CELSR3: variants seen among roughly 807,000 people sequenced by gnomAD.
The protein encoded by CELSR3 is cadherin EGF LAG seven-pass G-type receptor 3.
CELSR3 carries 73 observed loss-of-function variants against 270.0 expected under a neutral mutation model. The observed-to-expected ratio is 0.27, with a 90% CI of 0.22 to 0.33. CELSR3 has a LOEUF of 0.33. CELSR3 is among the 10% of genes least tolerant of loss of function. The probability of loss-of-function intolerance (pLI) is 1.00; values close to 1 mark genes in which losing one functional copy is unlikely to be tolerated. For synonymous variants in CELSR3, 1,780 were observed against 1,905.4 expected (o/e 0.93, Z 1.71); for missense variants, 3,614 against 4,533.8 (o/e 0.80, Z 5.83).
intron 16 of CELSR3, among the ~76,000 whole-genome samples, 198 bp from the exon 17 acceptor site, chr3:48,649,413 G>A (rs1392611051): frequency 1.3e-5 from 2 of 152,218 alleles, no homozygotes; most frequent in Non-Finnish European, 2.9e-5. Context: ...TGAGAGGGCT[G>A]TAGACCATTC....
Position 48,661,733 on chromosome 3 carries a change from C to A in CELSR3, c.902G>T (p.Arg301Leu). The change falls in exon 1 of 35, where the codon CGT (arginine) becomes CTT (leucine). Residue 301 changes from arginine to leucine, a missense_variant. Around this residue, in one of 7 missense-constraint regions of CELSR3, gnomAD observed 470 missense variants for 469.7 expected, o/e 1.00. Transcript: ENST00000164024. ...CGAGGTTACTTTCCTGGCTTCAGGA[C>A]GGGCCGGGAGTCCCGGGGGACGCGG... ...PGPRPPGLPA[R>L]PEARKVTSAN... 1 of 1,579,656 alleles carries A rather than the reference C, an allele frequency of 6.3e-7. No homozygotes were observed. Among genetic ancestry groups the A allele is most frequent in the Non-Finnish European group, 8.6e-7 (1 of 1,164,294 alleles).
At chr3:48,648,098 G>C (rs2047103857) in intron 19 of CELSR3, 102 bp from the exon 20 acceptor site, 13 of 1,496,716 alleles carry the variant, frequency 8.7e-6, no homozygotes, top group Non-Finnish European at 1.2e-5. Context: ...CCCACAATCT[G>C]TTTTCTGTGC....
rs1365242609 is a variant in CELSR3 at position 48,645,384 on chromosome 3, C to G, written c.7797+59G>C. The G allele has an allele frequency of 1.9e-6, 3 of 1,602,708 alleles. No individual in the cohort carries two copies. The highest frequency in any genetic ancestry group is 2.6e-6 in the Non-Finnish European group (3 of 1,171,206). On this transcript the variant is annotated intron_variant, in intron 24 of 34. Coordinates refer to ENST00000164024, the MANE Select transcript of CELSR3 (RefSeq NM_001407.3). This position sits in a 1 kb window ranked among gnomAD's most constrained non-coding sequence, Gnocchi z 5.4. ...GACCTCTGACCCTGAGTTTTGGCCC[C>G]AGGCCTCCTGGGCCAGTAGGGTCAT...
In CELSR3 at chr3:48,645,866, G is replaced by T; in HGVS notation, c.7466C>A (p.Ala2489Glu). The change falls in exon 23 of 35, where the codon GCG (alanine) becomes GAG (glutamate). Residue 2489 changes from alanine to glutamate, a missense_variant and splice_region_variant. Ala to Glu is a moderately radical substitution (Grantham distance 107, BLOSUM62 -1). Coordinates refer to ENST00000164024, the MANE Select transcript of CELSR3 (RefSeq NM_001407.3). The surrounding 1 kb of genome is among the most constrained non-coding windows in gnomAD (Gnocchi z 5.4). ...TGCTGTCCACACACCATGCTGCTCC[G>T]CCCTGCAGCCACAGGGCAGTTAGAC... is the stretch of plus-strand genomic sequence containing the variant. Reference protein sequence around the residue: ...ICVQWDPPGLAEQHGVWTARD... With the variant: ...ICVQWDPPGLEEQHGVWTARD... 6.3e-7 allele frequency: 1 copy of T among 1,594,522 alleles called. No individual in the cohort carries two copies. The highest frequency in any genetic ancestry group is 8.6e-7 in the Non-Finnish European group (1 of 1,167,878).
In CELSR3 at chr3:48,659,504, A is replaced by T; in HGVS notation, c.3131T>A (p.Val1044Glu). 6.2e-7 allele frequency: 1 copy of T among 1,614,120 alleles called. No homozygotes were observed. The highest frequency in any genetic ancestry group is 8.5e-7 in the Non-Finnish European group (1 of 1,180,024). ...ELTAYAVDRG[V>E]PPLRTPVSIQ... Reference sequence around the variant, plus strand: ...ACTGACTGGAGTCCGGAGTGGGGGCACACCTCTGTCCACTGCGTAGGCAGT... The same window carrying T: ...ACTGACTGGAGTCCGGAGTGGGGGCTCACCTCTGTCCACTGCGTAGGCAGT... The change falls in exon 1 of 35, where the codon GTG becomes GAG. Residue 1044 changes from valine to glutamate, a missense_variant. Physicochemically the swap from Val to Glu is moderately radical, Grantham distance 121 (BLOSUM62 -2). Transcript: ENST00000164024. The surrounding 1 kb of genome is among the most constrained non-coding windows in gnomAD (Gnocchi z 8.1).
In CELSR3 at chr3:48,641,884, C is replaced by A; in HGVS notation, c.8791G>T (p.Ala2931Ser). 1 of 1,545,822 alleles carries A rather than the reference C, an allele frequency of 6.5e-7. No homozygotes were observed. Among genetic ancestry groups the A allele is most frequent in the South Asian group, 1.2e-5 (1 of 80,702 alleles). The change falls in exon 32 of 35, where the codon GCC becomes TCC. Residue 2931 changes from alanine (A) to serine (S), a missense_variant. Physicochemically the swap from Ala to Ser is moderately conservative, Grantham distance 99 (BLOSUM62 1). Around this residue, in one of 7 missense-constraint regions of CELSR3, gnomAD observed 1,240 missense variants for 1,351.7 expected, o/e 0.92. Coordinates refer to ENST00000164024, the MANE Select transcript of CELSR3 (RefSeq NM_001407.3). This position sits in a 1 kb window ranked among gnomAD's most constrained non-coding sequence, Gnocchi z 4.8. Reference protein sequence around the residue: ...GRFQRPLCRAAQSERLLTHPK... With the variant: ...GRFQRPLCRASQSERLLTHPK... ...TGGGTGAGGAGCCTCTCACTCTGGG[C>A]TGCTCGGCAGAGTGGCCGTTGGAAG...
rs146846419 is a variant in CELSR3 at position 48,639,746 on chromosome 3, G to C, written c.9839C>G (p.Ala3280Gly). The C allele has an allele frequency of 2.2e-5, 35 of 1,613,658 alleles. No homozygotes were observed. The highest frequency in any genetic ancestry group is 6.7e-5 in the African/African-American group (5 of 74,922). Residue 3280 changes from alanine (A) to glycine (G), a missense_variant, in exon 34 of 35, where the codon GCC becomes GGC. Physicochemically the swap from Ala to Gly is moderately conservative, Grantham distance 60. This residue lies in a region of CELSR3 where 1,240 missense variants were observed against 1,351.7 expected (regional missense o/e 0.92). Coordinates refer to ENST00000164024, the MANE Select transcript of CELSR3 (RefSeq NM_001407.3). This position sits in a 1 kb window ranked among gnomAD's most constrained non-coding sequence, Gnocchi z 4.1. ...TGGCGTGGAGGGCCCAAGCACAGAG[G>C]CTGTGGCAGAAGGTGTGGCAGTGGT... ...PHTTATPSAT[A>G]SVLGPSTPRS...
chr3:48,662,238 A>G lies in CELSR3; in HGVS notation c.397T>C (p.Leu133=). 1 of 1,613,126 alleles carries G rather than the reference A, an allele frequency of 6.2e-7. No individual in the cohort carries two copies. Among genetic ancestry groups the G allele is most frequent in the Non-Finnish European group, 8.5e-7 (1 of 1,180,012 alleles). The part of the protein sequence containing the change: ...RETGQGPGSV[L]YWRPEVSSCG... Reference sequence around the variant, plus strand: ...GAGGAGACCTCTGGGCGCCAGTATAACACAGACCCTGGTCCCTGTCCTGTC... The same window carrying G: ...GAGGAGACCTCTGGGCGCCAGTATAGCACAGACCCTGGTCCCTGTCCTGTC... Residue 133 remains leucine, a synonymous_variant, in exon 1 of 35, where the codon TTA becomes CTA. Transcript: ENST00000164024. This position sits in a 1 kb window ranked among gnomAD's most constrained non-coding sequence, Gnocchi z 7.1.
chr3:48,661,049 A>G lies in CELSR3; in HGVS notation c.1586T>C (p.Val529Ala). ...GTCTAGCACAGTTATGTGTACGCGC[A>G]CAGTGGCCGAGCGCGGCCCGGGTTC... ...GQEPGPRSAT[V>A]RVHITVLDEN... The change falls in exon 1 of 35, where the codon GTG becomes GCG. Residue 529 changes from valine to alanine, a missense_variant. Transcript: ENST00000164024. The G allele has an allele frequency of 6.2e-7, 1 of 1,613,760 alleles. No individual in the cohort carries two copies. Among genetic ancestry groups the G allele is most frequent in the Non-Finnish European group, 8.5e-7 (1 of 1,180,024 alleles).
In CELSR3 at chr3:48,661,222, G is replaced by A; in HGVS notation, c.1413C>T (p.Arg471=). The A allele has an allele frequency of 1.9e-6, 3 of 1,604,252 alleles. No homozygotes were observed. The highest frequency in any genetic ancestry group is 4.5e-5 in the East Asian group (2 of 44,414). ...DAPPNANLRY[R]FVGPPAARAA... is the part of the protein sequence containing the mutation. ...CGCGCGCAGCTGGCGGCCCCACGAA[G>A]CGGTAGCGCAGGTTGGCGTTGGGGG... The change falls in exon 1 of 35, where the codon CGC becomes CGT. Residue 471 remains arginine, a synonymous_variant. Coordinates refer to ENST00000164024, the MANE Select transcript of CELSR3 (RefSeq NM_001407.3).
rs1363073950 is a variant in CELSR3 at position 48,644,934 on chromosome 3, A to T, written c.7972+101T>A. On this transcript the variant is annotated intron_variant, in intron 25 of 34. Transcript: ENST00000164024. The surrounding 1 kb of genome is among the most constrained non-coding windows in gnomAD (Gnocchi z 4.8). ...AGGGCAGAGCAGCAACCCCATGAAT[A>T]GATGGCTTGGGGTTTGAGGTTGGGG... 36 of 1,512,192 alleles carry T rather than the reference A, an allele frequency of 2.4e-5. No individual in the cohort carries two copies. The highest frequency in any genetic ancestry group is 3.0e-5 in the Non-Finnish European group (33 of 1,102,914). 93.7% of individuals were successfully genotyped at this position (1,512,192 alleles called of 1,614,324 possible).
rs1490978199 is a variant in CELSR3, at chr3:48,662,500, G to A, written c.135C>T (p.Gly45=). Reference sequence around the variant, plus strand: ...CCCTTGGCCCCGTAGTGGCAGCTAAGCCTGGGTCCCAGCCCTGGTGCCCAC... The same window carrying A: ...CCCTTGGCCCCGTAGTGGCAGCTAAACCTGGGTCCCAGCCCTGGTGCCCAC... ...GGGGHQGWDP[G]LAATTGPRAH... Residue 45 remains glycine (G), a synonymous_variant, in exon 1 of 35, where the codon GGC becomes GGT. Transcript: ENST00000164024. The surrounding 1 kb of genome is among the most constrained non-coding windows in gnomAD (Gnocchi z 7.1). 1 of 1,612,478 alleles carries A rather than the reference G, an allele frequency of 6.2e-7. No individual in the cohort carries two copies. The highest frequency in any genetic ancestry group is 1.3e-5 in the African/African-American group (1 of 75,050).
chr3:48,656,609 G>A (rs2077024104), intron 2 of CELSR3, 89 bp downstream of exon 2: 17 of 1,400,118 alleles, frequency 1.2e-5, no homozygotes, highest in Non-Finnish European at 2.8e-6. Context: ...CGTGGCCTCA[G>A]AAGTGACTCC....
Position 48,648,243 on chromosome 3 carries a change from GCCCTACCCCA to G in CELSR3, c.6973+13_6973+22del. ...TTTCATGGCCCCCCTGCTGTGCCCC[GCCCTACCCCA>G]CCCACAACGCACTGATATTAGGCGT... is the stretch of plus-strand genomic sequence containing the variant. On this transcript the variant is annotated intron_variant, in intron 19 of 34. Transcript: ENST00000164024. 4 of 532,600 alleles carry G rather than the reference GCCCTACCCCA, an allele frequency of 7.5e-6. No homozygotes were observed. Among genetic ancestry groups the G allele is most frequent in the Non-Finnish European group, 1.2e-5 (4 of 332,608 alleles). The allele number at this position is 532,600 out of a possible 1,614,324, so 33.0% of individuals were successfully genotyped here.
rs1559475624 is a variant in CELSR3, at chr3:48,641,965, TCTC to T, written c.8707_8709del (p.Glu2903del). ...TCTGAAGATGGAATGGAGAGACTCC[TCTC>T]CTCCTCCAAGGACAGGTCACTGTCA... is the stretch of plus-strand genomic sequence containing the variant. On this transcript the variant is annotated inframe_deletion, in exon 32 of 35. Coordinates refer to ENST00000164024, the MANE Select transcript of CELSR3 (RefSeq NM_001407.3). The surrounding 1 kb of genome is among the most constrained non-coding windows in gnomAD (Gnocchi z 4.8). 2 of 1,588,914 alleles carry T rather than the reference TCTC, an allele frequency of 1.3e-6. No homozygotes were observed. Among genetic ancestry groups the T allele is most frequent in the African/African-American group, 1.4e-5 (1 of 73,556 alleles).
At position 48,644,764 on chromosome 3, in the gene CELSR3, G is replaced by C. The variant is rs112026509; in HGVS notation, c.8037C>G (p.His2679Gln). 9.3e-6 allele frequency: 15 copies of C among 1,613,534 alleles called. No individual in the cohort carries two copies. Among genetic ancestry groups the C allele is most frequent in the Non-Finnish European group, 9.3e-6 (11 of 1,179,964 alleles). The part of the protein sequence containing the change: ...GNPDFCWISV[H>Q]EPLIWSFAGP... ...CAGCAAAGCTCCAGATGAGGGGCTC[G>C]TGGACTGAGATCCAGCAGAAGTCAG... Residue 2679 changes from histidine to glutamine, a missense_variant, in exon 26 of 35, where the codon CAC becomes CAG. This residue lies in a region of CELSR3 where 1,240 missense variants were observed against 1,351.7 expected (regional missense o/e 0.92). Coordinates refer to ENST00000164024, the MANE Select transcript of CELSR3 (RefSeq NM_001407.3). This position sits in a 1 kb window ranked among gnomAD's most constrained non-coding sequence, Gnocchi z 4.8.
rs759127484 is a variant in CELSR3 at position 48,637,958 on chromosome 3, G to C, written c.*247C>G. ...ACAGAAAAGCTGAAAAATAACATAA[G>C]CATCTCTCTGGTTACAAAGGTACAA... On this transcript the variant is annotated 3_prime_UTR_variant, in exon 35 of 35. Coordinates refer to ENST00000164024, the MANE Select transcript of CELSR3 (RefSeq NM_001407.3). The C allele has an allele frequency of 2.0e-4, 82 of 414,254 alleles. No homozygotes were observed. Among genetic ancestry groups the C allele is most frequent in the Non-Finnish European group, 3.1e-4 (72 of 229,042 alleles). The allele number at this position is 414,254 out of a possible 1,614,324, so 25.7% of individuals were successfully genotyped here. A position where few individuals can be genotyped will look rare whatever the true frequency, so the allele number is the denominator to read the frequency against.
Position 48,648,813 on chromosome 3 carries a change from C to T in CELSR3, c.6683G>A (p.Arg2228Gln), listed in dbSNP as rs1477034170. Reference sequence around the variant, plus strand: ...GTGGGCCAGCAGGCGGGCAGTGACTCGAACATCTTGGCTAAAATAGTGGTC... The same window carrying T: ...GTGGGCCAGCAGGCGGGCAGTGACTTGAACATCTTGGCTAAAATAGTGGTC... ...HTDHYFSQDV[R>Q]VTARLLAHLL... The change falls in exon 18 of 35, where the codon CGA becomes CAA. Residue 2228 changes from arginine to glutamine, a missense_variant. Arg to Gln is a conservative substitution (Grantham distance 43). Coordinates refer to ENST00000164024, the MANE Select transcript of CELSR3 (RefSeq NM_001407.3). The T allele has an allele frequency of 1.1e-5, 18 of 1,612,840 alleles. No individual in the cohort carries two copies. The highest frequency in any genetic ancestry group is 4.4e-5 in the South Asian group (4 of 91,086).
chr3:48,643,283 C>A (rs747222559), intron 28 of CELSR3, 200 bp from the exon 29 acceptor site: 67 of 622,138 alleles, frequency 1.1e-4, no homozygotes, highest in South Asian at 4.6e-4. Context: ...TCTGTAAGGT[C>A]GGTGTGGATC....
Sources: allele counts gnomAD v4.1 joint callset (sites outside exome capture counted in the v4.1 genomes callset), GRCh38; gene constraint gnomAD v4.1.1; regional missense constraint gnomAD v4.1.1; non-coding constraint Gnocchi (gnomAD v3.1); transcripts MANE v1.5; gene names NCBI Gene and HGNC (gene_info 2026-07-23, HGNC 2026-07-21).